The following FDFT1 variants were observed in gnomAD, a reference collection of about 807,000 sequenced individuals.
FDFT1 encodes farnesyl-diphosphate farnesyltransferase 1.
In FDFT1, 68 loss-of-function variants were observed where a neutral mutation model predicts 46.8. The observed-to-expected ratio is 1.45, with a 90% CI of 1.19 to 1.78. The LOEUF is 1.78. Among genes scored for constraint, FDFT1 ranks in the 40% most tolerant of loss-of-function variants. The pLI, the probability that FDFT1 is intolerant of heterozygous loss-of-function variation, is 0.00. For missense variants in FDFT1, 928 were observed against 524.4 expected, an observed-to-expected ratio of 1.77 and a Z score of -7.52; for synonymous variants, 351 against 185.1, an observed-to-expected ratio of 1.90 and a Z score of -7.28.
At chr8:11,811,431 A>G (rs1213109125) in intron 3 of FDFT1, among the ~76,000 whole-genome samples, 1 of 152,242 alleles carries the variant, frequency 6.6e-6, no homozygotes, top group East Asian at 1.9e-4. Flanking sequence ...GCATGGGATA[A>G]ATGTGTTAGG....
At chr8:11,818,292 A>G (rs954534400) in intron 3 of FDFT1, among the ~76,000 whole-genome samples, 2 of 152,196 alleles carry the variant, frequency 1.3e-5, no homozygotes, top group South Asian at 2.1e-4. Flanking sequence ...TCTGTGGTCA[A>G]TTTTAGAATA....
intron 1 of FDFT1, among the ~76,000 whole-genome samples, chr8:11,806,238 T>A (rs1344792589): frequency 6.6e-6 from 1 of 151,958 alleles, no homozygotes; most frequent in Non-Finnish European, 1.5e-5. Flanking sequence ...CTTTTGGGAG[T>A]GTGCTGAATC....
At chr8:11,812,719 A>G (rs1373582177) in intron 3 of FDFT1, among the ~76,000 whole-genome samples, 1 of 152,206 alleles carries the variant, frequency 6.6e-6, no homozygotes, top group African/African-American at 2.4e-5. Flanking sequence ...CAGGCCTTGC[A>G]GAATTTAGGA....
At chr8:11,830,996 A>G (rs1810698596) in intron 6 of FDFT1, among the ~76,000 whole-genome samples, 1 of 152,248 alleles carries the variant, frequency 6.6e-6, no homozygotes, top group African/African-American at 2.4e-5. Flanking sequence ...GGTGGTTGAA[A>G]GTAAAATCTG....
intron 1 of FDFT1, chr8:11,803,373 C>T (rs1055753686): frequency 2.3e-6 from 3 of 1,289,898 alleles, no homozygotes; most frequent in South Asian, 1.2e-5. Flanking sequence ...CCTCCAGTTT[C>T]ACCACCTCTT....
upstream of FDFT1, among the ~76,000 whole-genome samples, chr8:11,797,541 C>G (rs370955812): frequency 2.3e-5 from 2 of 87,408 alleles, no homozygotes; most frequent in African/African-American, 8.3e-5. Context: ...AACAGATAAT[C>G]ACAGCTACTA....
chr8:11,809,873 T>A (rs977065549), intron 3 of FDFT1, 23 bp downstream of exon 3: 4 of 1,587,512 alleles, frequency 2.5e-6, no homozygotes, highest in Admixed American at 3.4e-5. Context: ...ACGCATCTTG[T>A]CTACGGACTG....
rs537954521 is a variant in FDFT1 at position 11,805,040 on chromosome 8, G to C, written c.99+2109G>C. On this transcript the variant is annotated intron_variant, in intron 1 of 7. Transcript: ENST00000220584. Reference sequence around the variant, plus strand: ...CCTCCCACCTCGGCTTCCTGATCCCGAGTAGCTGGGACTCCAGGCACGTGT... The same window carrying C: ...CCTCCCACCTCGGCTTCCTGATCCCCAGTAGCTGGGACTCCAGGCACGTGT... 2.6e-5 allele frequency among the ~76,000 whole-genome samples: 4 copies of C among 151,028 alleles called. No individual in the cohort carries two copies. The East Asian group carries it at 5.9e-4, about 22-fold the overall frequency.
intron 3 of FDFT1, among the ~76,000 whole-genome samples, chr8:11,818,470 C>A (rs1395582573): frequency 6.6e-6 from 1 of 152,166 alleles, no homozygotes; most frequent in Non-Finnish European, 1.5e-5. Context: ...ATGTTAGACT[C>A]GCACACAATA....
At chr8:11,810,673 T>C (rs1264329862) in intron 3 of FDFT1, among the ~76,000 whole-genome samples, 1 of 152,236 alleles carries the variant, frequency 6.6e-6, no homozygotes, top group Admixed American at 6.5e-5. Context: ...CCTACTATCC[T>C]AGAATTCGCA....
intron 1 of FDFT1, among the ~76,000 whole-genome samples, chr8:11,797,236 A>G (rs1236006049): frequency 6.6e-6 from 1 of 152,096 alleles, no homozygotes; most frequent in South Asian, 2.1e-4. Context: ...CTCGCCTTCT[A>G]TCTCATTTTG....
chr8:11,799,574 A>C (rs142254499), upstream of FDFT1, among the ~76,000 whole-genome samples: 421 of 152,342 alleles, frequency 2.8e-3, no homozygotes, highest in African/African-American at 9.5e-3. Flanking sequence ...TATGAACTCC[A>C]AAAGGAAGGG....
intron 7 of FDFT1, among the ~76,000 whole-genome samples, chr8:11,836,104 G>T (rs1159530720): frequency 6.7e-6 from 1 of 150,102 alleles, no homozygotes; most frequent in Non-Finnish European, 1.5e-5. Context: ...AGTGAGCCAA[G>T]ATTGCACCAC....
upstream of FDFT1, among the ~76,000 whole-genome samples, chr8:11,798,376 C>G (rs188512470): frequency 1.3e-5 from 2 of 152,056 alleles, no homozygotes; most frequent in African/African-American, 4.8e-5. Context: ...GTGTTTTAGA[C>G]GAATAACTCT....
chr8:11,802,717 TG>T, upstream of FDFT1: 2 of 795,164 alleles, frequency 2.5e-6, no homozygotes, highest in Non-Finnish European at 4.2e-6. Context: ...GTACTAGGCC[TG>T]CCCCCTGTCC....
exon 1 of FDFT1, chr8:11,795,946 TTCCTGAAGTCAG>T (rs1220997588): frequency 2.0e-5 from 3 of 152,362 alleles, no homozygotes; most frequent in Admixed American, 6.5e-5. Flanking sequence ...GGCGGTTTCA[TTCCTGAAGTCAG>T]TGAGACCAAG....
chr8:11,829,993 G>A (rs777845181), intron 5 of FDFT1, among the ~76,000 whole-genome samples: 21 of 151,934 alleles, frequency 1.4e-4, no homozygotes, highest in South Asian at 6.2e-4. Context: ...GATTACAGGC[G>A]CCTGCCACCG....
intron 3 of FDFT1, among the ~76,000 whole-genome samples, chr8:11,819,893 T>C (rs1212752708): frequency 1.3e-5 from 2 of 152,152 alleles, no homozygotes; most frequent in Non-Finnish European, 2.9e-5. Flanking sequence ...CCTTTGCTGG[T>C]GAGGAGTTAC....
intron 1 of FDFT1, chr8:11,808,535 C>A (rs1807211008): frequency 2.2e-6 from 3 of 1,334,046 alleles, no homozygotes; most frequent in Non-Finnish European, 2.9e-6. Context: ...CAGCCGCCTG[C>A]GGCACCAAGG....
Sources: allele counts gnomAD v4.1 joint callset (sites outside exome capture counted in the v4.1 genomes callset), GRCh38; gene constraint gnomAD v4.1.1; transcripts MANE v1.5; gene names NCBI Gene and HGNC (gene_info 2026-07-23, HGNC 2026-07-21).